Variants in PTPRG observed in about 807,000 individuals in gnomAD.
The protein encoded by PTPRG is receptor-type tyrosine-protein phosphatase gamma.
Under a neutral mutation model 165.3 loss-of-function variants are expected in PTPRG, and 102 were observed. The observed-to-expected ratio is 0.62, with a 90% CI of 0.53 to 0.73. The LOEUF (loss-of-function observed/expected upper bound fraction) is 0.73. Among genes scored for constraint, PTPRG ranks in the 30% least tolerant of loss-of-function variants. The pLI is 0.00. For synonymous variants in PTPRG, 675 were observed against 669.5 expected, an observed-to-expected ratio of 1.01 and a Z score of -0.13; for missense variants, 1,866 against 1,861.4, an observed-to-expected ratio of 1.00 and a Z score of -0.05.
chr3:61,640,331 G>GT (rs1702026743), intron 1 of PTPRG, among the ~76,000 whole-genome samples: 1 of 152,170 alleles, frequency 6.6e-6, no homozygotes, highest in African/African-American at 2.4e-5. Flanking sequence ...AGAGATCAGA[G>GT]TAGGTCCTGG....
At chr3:61,757,089 A>G (rs1271414498) in intron 2 of PTPRG, among the ~76,000 whole-genome samples, 3 of 152,164 alleles carry the variant, frequency 2.0e-5, no homozygotes, top group Non-Finnish European at 4.4e-5. Flanking sequence ...GCTTACAATG[A>G]AATGCTTACC....
chr3:61,842,799 T>C (rs1344964813), intron 2 of PTPRG, among the ~76,000 whole-genome samples: 1 of 152,012 alleles, frequency 6.6e-6, no homozygotes, highest in Non-Finnish European at 1.5e-5. Flanking sequence ...ATGGCAGAGC[T>C]ACAAGACAGA....
chr3:62,183,912 T>C (rs1217376685), intron 8 of PTPRG, among the ~76,000 whole-genome samples: 1 of 152,174 alleles, frequency 6.6e-6, no homozygotes. Flanking sequence ...GCCCCTGACA[T>C]CTTTATTAGC....
At chr3:62,039,510 T>G (rs1256559163) in intron 4 of PTPRG, among the ~76,000 whole-genome samples, 1 of 151,980 alleles carries the variant, frequency 6.6e-6, no homozygotes, top group Non-Finnish European at 1.5e-5. Flanking sequence ...TGATGGGTGT[T>G]TATTCTACAT....
chr3:61,992,622 C>G (rs2040925880), intron 3 of PTPRG, among the ~76,000 whole-genome samples: 1 of 152,106 alleles, frequency 6.6e-6, no homozygotes, highest in African/African-American at 2.4e-5. Context: ...CGGGTTGAAG[C>G]AATTCTCCCA....
intron 1 of PTPRG, among the ~76,000 whole-genome samples, chr3:61,710,701 G>C (rs568833053): frequency 1.4e-3 from 214 of 151,992 alleles, no homozygotes; most frequent in African/African-American, 5.0e-3. Context: ...TTCCAGTGTG[G>C]CCGAGGGAAG....
chr3:61,970,504 A>G (rs2040359312), intron 2 of PTPRG, among the ~76,000 whole-genome samples: 1 of 152,226 alleles, frequency 6.6e-6, no homozygotes, highest in African/African-American at 2.4e-5. Context: ...CTTGACAAAT[A>G]TTCAATATGT....
chr3:61,801,960 G>A (rs995775999), intron 2 of PTPRG, among the ~76,000 whole-genome samples: 2 of 151,414 alleles, frequency 1.3e-5, no homozygotes, highest in Non-Finnish European at 2.9e-5. Flanking sequence ...GGGATGTGGA[G>A]GTTGCAGTGA....
chr3:62,087,082 T>G (rs1701776424), intron 5 of PTPRG, among the ~76,000 whole-genome samples: 1 of 152,232 alleles, frequency 6.6e-6, no homozygotes, highest in Non-Finnish European at 1.5e-5. Context: ...TTTAAAATTG[T>G]TTTGGCCATT....
intron 1 of PTPRG, among the ~76,000 whole-genome samples, chr3:61,712,221 C>G (rs577508041): frequency 6.6e-6 from 1 of 152,182 alleles, no homozygotes; most frequent in South Asian, 2.1e-4. Flanking sequence ...AAAAATTGTC[C>G]TTTAACTGCC....
At chr3:61,974,026 G>A (rs1200037940) in intron 2 of PTPRG, among the ~76,000 whole-genome samples, 1 of 152,102 alleles carries the variant, frequency 6.6e-6, no homozygotes, top group African/African-American at 2.4e-5. Flanking sequence ...TTGAAGAACT[G>A]TGGAACCAAC....
rs1701925983 is a variant in PTPRG, at chr3:62,267,674, T to C, written c.2740-11T>C. 6.2e-7 allele frequency: 1 copy of C among 1,608,074 alleles called. No individual in the cohort carries two copies. The highest frequency in any genetic ancestry group is 1.3e-5 in the African/African-American group (1 of 74,512). ...TGCTTTCATCTCACTTTGTGCTGTGTCATTTTGAAGGGTTACAACAAAGCA... is the reference window on the plus strand; with the variant it reads ...TGCTTTCATCTCACTTTGTGCTGTGCCATTTTGAAGGGTTACAACAAAGCA... On this transcript the variant is annotated splice_polypyrimidine_tract_variant and intron_variant, in intron 18 of 29. Coordinates refer to ENST00000474889, the MANE Select transcript of PTPRG (RefSeq NM_002841.4).
In PTPRG at chr3:62,195,782, T is replaced by C. The variant is rs145416279; in HGVS notation, c.1327+612T>C. Among the ~76,000 whole-genome samples the C allele has an allele frequency of 4.9e-3, 742 of 152,062 alleles. 7 individuals carry two copies. Among genetic ancestry groups the C allele is most frequent in the Non-Finnish European group, 7.3e-3 (498 of 67,980 alleles). Reference sequence around the variant, plus strand: ...GTGACCAAGAGACATAACATTTTAGTGGGATTTTTTTTGTTTGTTTGTTTG... The same window carrying C: ...GTGACCAAGAGACATAACATTTTAGCGGGATTTTTTTTGTTTGTTTGTTTG... On this transcript the variant is annotated intron_variant, in intron 10 of 29. Coordinates refer to ENST00000474889, the MANE Select transcript of PTPRG (RefSeq NM_002841.4). The surrounding 1 kb of genome is among the most constrained non-coding windows in gnomAD (Gnocchi z 4.4).
intron 2 of PTPRG, among the ~76,000 whole-genome samples, chr3:61,871,030 T>G (rs1039804819): frequency 6.6e-6 from 1 of 152,034 alleles, no homozygotes; most frequent in African/African-American, 2.4e-5. Flanking sequence ...GTGCCTCAGT[T>G]TCTTTTTTCT....
chr3:61,581,609 CT>C lies in PTPRG; in HGVS notation c.85+19255del, dbSNP rs138750100. Among the ~76,000 whole-genome samples, 247 of 137,084 alleles carry C rather than the reference CT, an allele frequency of 1.8e-3. 3 individuals carry two copies. The highest frequency in any genetic ancestry group is 1.9e-3 in the African/African-American group (70 of 36,684). 89.9% of individuals were successfully genotyped at this position (137,084 alleles called of 152,430 possible). On this transcript the variant is annotated intron_variant, in intron 1 of 29. Transcript: ENST00000474889. Reference sequence around the variant, plus strand: ...AGAACCCATGGTTGCTTCTTTTTTTCTTTTTTTTTTTTTTTTTTATGAGACA... The same window carrying C: ...AGAACCCATGGTTGCTTCTTTTTTTCTTTTTTTTTTTTTTTTTATGAGACA...
chr3:62,086,661 G>A (rs963639179), intron 5 of PTPRG, among the ~76,000 whole-genome samples: 11 of 152,162 alleles, frequency 7.2e-5, no homozygotes, highest in Admixed American at 2.0e-4. Context: ...ATTTCAGAAT[G>A]TTTTGGGTTG....
At chr3:61,744,274 T>TA (rs1488676944) in intron 1 of PTPRG, among the ~76,000 whole-genome samples, 10 of 152,230 alleles carry the variant, frequency 6.6e-5, no homozygotes, top group Non-Finnish European at 1.2e-4. Context: ...GGAGAGGACT[T>TA]AAAGTGTTGT....
chr3:61,749,753 T>C (rs2033358230), intron 2 of PTPRG: 1 of 153,218 alleles, frequency 6.5e-6, no homozygotes, highest in South Asian at 2.0e-4. Flanking sequence ...TTGAGTAAGA[T>C]AGACCACTTT....
chr3:62,273,725 T>C lies in PTPRG; in HGVS notation c.3346T>C (p.Leu1116=). ...EEQYIFIHDA[L]LEAILGKETE... ...GCAGTACATTTTCATCCATGATGCC[T>C]TGTTGGAAGCCATTCTTGGAAAGGA... Residue 1116 remains leucine (L), a synonymous_variant, in exon 23 of 30, where the codon TTG becomes CTG. Transcript: ENST00000474889. This position sits in a 1 kb window ranked among gnomAD's most constrained non-coding sequence, Gnocchi z 4.1. 1.2e-6 allele frequency: 2 copies of C among 1,613,758 alleles called. No individual in the cohort carries two copies. The highest frequency in any genetic ancestry group is 1.7e-6 in the Non-Finnish European group (2 of 1,179,724).
Sources: allele counts gnomAD v4.1 joint callset (sites outside exome capture counted in the v4.1 genomes callset), GRCh38; gene constraint gnomAD v4.1.1; non-coding constraint Gnocchi (gnomAD v3.1); transcripts MANE v1.5; gene names NCBI Gene and HGNC (gene_info 2026-07-23, HGNC 2026-07-21).